DNAH8: variants seen among roughly 807,000 people sequenced by gnomAD.
The protein encoded by DNAH8 is dynein axonemal heavy chain 8.
Under a neutral mutation model 562.1 loss-of-function variants are expected in DNAH8, and 382 were observed. That is an observed-to-expected ratio of 0.68 (90% confidence interval 0.63 to 0.74). The LOEUF (loss-of-function observed/expected upper bound fraction) is 0.74, where lower values mean the gene tolerates loss of function less well. Ranked by LOEUF, DNAH8 falls within the 30% of genes least tolerant of loss-of-function variation. The pLI is 0.00. For missense variants in DNAH8, 5,203 were observed against 5,620.4 expected, an observed-to-expected ratio of 0.93 and a Z score of 2.37; for synonymous variants, 1,881 against 1,919.4, an observed-to-expected ratio of 0.98 and a Z score of 0.52.
At chr6:38,820,030 A>G (rs983323613) in intron 26 of DNAH8, among the ~76,000 whole-genome samples, 1 of 152,218 alleles carries the variant, frequency 6.6e-6, no homozygotes, top group African/African-American at 2.4e-5. Context: ...TACAATTCCA[A>G]AGAAATCATA....
At chr6:38,873,714 TAAC>T (rs1290306048) in intron 52 of DNAH8, among the ~76,000 whole-genome samples, 2 of 121,128 alleles carry the variant, frequency 1.7e-5, no homozygotes, top group African/African-American at 6.2e-5. Context: ...AAATAAAAAA[TAAC>T]ACATACACCT....
chr6:38,971,454 C>A, intron 82 of DNAH8, 138 bp from the exon 83 acceptor site: 1 of 502,812 alleles, frequency 2.0e-6, no homozygotes, highest in Non-Finnish European at 3.3e-6. Flanking sequence ...AAAGGCCAGG[C>A]CTGTTTGAAC....
chr6:38,814,219 C>T (rs1187852678), intron 25 of DNAH8, 90 bp downstream of exon 25: 2 of 764,134 alleles, frequency 2.6e-6, no homozygotes, highest in Non-Finnish European at 4.3e-6. Flanking sequence ...ACATTTTGGT[C>T]CTATGTCTTT....
In DNAH8 at chr6:38,883,274, A is replaced by C. The variant is rs756833830; in HGVS notation, c.8002-48A>C. 4 of 1,542,854 alleles carry C rather than the reference A, an allele frequency of 2.6e-6. No homozygotes were observed. The South Asian group carries it at 5.1e-5, about 20-fold the overall frequency. ...CCCATAGAATCATAAGATATTTGAAACTAAATAAGTTGTAACACATTTCAA... is the reference window on the plus strand; with the variant it reads ...CCCATAGAATCATAAGATATTTGAACCTAAATAAGTTGTAACACATTTCAA... On this transcript the variant is annotated intron_variant, in intron 54 of 92. Coordinates refer to ENST00000327475, the MANE Select transcript of DNAH8 (RefSeq NM_001206927.2).
intron 4 of DNAH8, among the ~76,000 whole-genome samples, chr6:38,732,059 T>C (rs1562577000): frequency 6.6e-6 from 1 of 152,226 alleles, no homozygotes; most frequent in Non-Finnish European, 1.5e-5. Context: ...TAAATGCTTA[T>C]TATCAGTTAA....
intron 1 of DNAH8, among the ~76,000 whole-genome samples, chr6:38,719,323 C>T (rs1338277475): frequency 6.6e-6 from 1 of 152,126 alleles, no homozygotes; most frequent in Non-Finnish European, 1.5e-5. Flanking sequence ...TATGATTAAA[C>T]CTGTCACCCA....
At chr6:39,006,613 C>A (rs1006757950) in intron 88 of DNAH8, among the ~76,000 whole-genome samples, 2 of 152,164 alleles carry the variant, frequency 1.3e-5, no homozygotes, top group African/African-American at 4.8e-5. Flanking sequence ...GTATATTGTT[C>A]CAGGAAAGAG....
chr6:38,951,960 CA>C lies in DNAH8; in HGVS notation c.12451+441del, dbSNP rs541971637. Among the ~76,000 whole-genome samples the C allele has an allele frequency of 3.3e-5, 5 of 152,188 alleles. No individual in the cohort carries two copies. In the East Asian group the frequency reaches 9.7e-4, roughly 29 times the overall value. On this transcript the variant is annotated intron_variant, in intron 82 of 92. Coordinates refer to ENST00000327475, the MANE Select transcript of DNAH8 (RefSeq NM_001206927.2). ...TATTTCATTGCTTTCACTTAATAACCATTCAGTACAGGCAGTGTGCTAGATC... is the reference window on the plus strand; with the variant it reads ...TATTTCATTGCTTTCACTTAATAACCTTCAGTACAGGCAGTGTGCTAGATC...
At chr6:38,758,122 A>G (rs1582922230) in intron 10 of DNAH8, among the ~76,000 whole-genome samples, 1 of 152,150 alleles carries the variant, frequency 6.6e-6, no homozygotes, top group Non-Finnish European at 1.5e-5. Context: ...CTTGGGCAGT[A>G]TGGCCATTTT....
At chr6:38,866,285 A>G (rs1161738826) in intron 45 of DNAH8, among the ~76,000 whole-genome samples, 1 of 152,026 alleles carries the variant, frequency 6.6e-6, no homozygotes, top group Non-Finnish European at 1.5e-5. Flanking sequence ...CTCTTGTATT[A>G]TTTCACGTTC....
chr6:38,804,806 C>T (rs866237303), intron 22 of DNAH8, among the ~76,000 whole-genome samples: 24 of 147,930 alleles, frequency 1.6e-4, no homozygotes, highest in African/African-American at 6.0e-4. Context: ...AAAACTGTGC[C>T]TGGAACAGTG....
intron 87 of DNAH8, among the ~76,000 whole-genome samples, chr6:38,985,995 T>C (rs72856042): frequency 1.2e-4 from 19 of 152,278 alleles, no homozygotes; most frequent in Admixed American, 3.9e-4. Context: ...CCTAAGAGAA[T>C]AGATAAGATG....
chr6:38,945,030 T>C (rs1485599471), intron 79 of DNAH8, among the ~76,000 whole-genome samples: 3 of 151,874 alleles, frequency 2.0e-5, no homozygotes, highest in Non-Finnish European at 4.4e-5. Context: ...CCCTAACCCA[T>C]CCATGTCTTT....
rs375507271 is a variant in DNAH8 at position 38,842,668 on chromosome 6, G to T, written c.4610G>T (p.Arg1537Leu). The T allele has an allele frequency of 1.2e-5, 20 of 1,609,354 alleles. No homozygotes were observed. Among genetic ancestry groups the T allele is most frequent in the Non-Finnish European group, 1.7e-5 (20 of 1,178,796 alleles). Residue 1537 changes from arginine to leucine, a missense_variant, in exon 35 of 93, where the codon CGT becomes CTT. Arg to Leu is a moderately radical substitution (Grantham distance 102, BLOSUM62 -2). Coordinates refer to ENST00000327475, the MANE Select transcript of DNAH8 (RefSeq NM_001206927.2). The part of the protein sequence containing the change: ...AELLEFQNRC[R>L]KLPKGLKDWQ... ...TTTCTCTTTCTTTCTGAAAGATGTCGTAAACTTCCAAAAGGACTTAAAGAT... is the reference window on the plus strand; with the variant it reads ...TTTCTCTTTCTTTCTGAAAGATGTCTTAAACTTCCAAAAGGACTTAAAGAT...
rs755422258 is a variant in DNAH8 at position 38,882,990 on chromosome 6, G to A, written c.7939G>A (p.Val2647Ile). 4 of 1,604,124 alleles carry A rather than the reference G, an allele frequency of 2.5e-6. No homozygotes were observed. The highest frequency in any genetic ancestry group is 2.3e-5 in the South Asian group (2 of 88,174). ...TATTCCGGAATATTCATCAATTTTG[G>A]TTCCAAATGTTGACAATATTAGAAC... is the stretch of plus-strand genomic sequence containing the variant. ...DSIPEYSSIL[V>I]PNVDNIRTNF... is the part of the protein sequence containing the mutation. Residue 2647 changes from valine to isoleucine, a missense_variant, in exon 54 of 93, where the codon GTT becomes ATT. Val to Ile is a conservative substitution (Grantham distance 29, BLOSUM62 3). Coordinates refer to ENST00000327475, the MANE Select transcript of DNAH8 (RefSeq NM_001206927.2).
intron 82 of DNAH8, among the ~76,000 whole-genome samples, chr6:38,965,732 A>T (rs1341315667): frequency 6.6e-6 from 1 of 152,072 alleles, no homozygotes; most frequent in Non-Finnish European, 1.5e-5. Flanking sequence ...CCCCCTTATG[A>T]TATCTTGGCA....
Position 39,008,868 on chromosome 6 carries a change from CAA to C in DNAH8, c.13271_13272del (p.Lys4424ArgfsTer16). Reference sequence around the variant, plus strand: ...TTGAAACAATTACCAACATTCAACCCAAAGAGAGTGGAGGTGGTGTGGGAGAG... The same window carrying C: ...TTGAAACAATTACCAACATTCAACCCAGAGAGTGGAGGTGGTGTGGGAGAG... ...VLETITNIQP[K>X]ESGGGVGETR... On this transcript the variant is annotated frameshift_variant, in exon 89 of 93. Coordinates refer to ENST00000327475, the MANE Select transcript of DNAH8 (RefSeq NM_001206927.2). LOFTEE classifies it high-confidence loss of function. The C allele has an allele frequency of 6.2e-7, 1 of 1,607,042 alleles. No homozygotes were observed. The highest frequency in any genetic ancestry group is 8.5e-7 in the Non-Finnish European group (1 of 1,173,788).
chr6:38,851,046 TCA>T (rs1465563821), intron 38 of DNAH8, among the ~76,000 whole-genome samples: 4 of 152,220 alleles, frequency 2.6e-5, no homozygotes, highest in Non-Finnish European at 5.9e-5. Context: ...AGAGAACAAC[TCA>T]CCAAACTCAA....
intron 76 of DNAH8, among the ~76,000 whole-genome samples, chr6:38,935,091 T>C (rs1282203305): frequency 6.6e-6 from 1 of 152,212 alleles, no homozygotes; most frequent in Non-Finnish European, 1.5e-5. Flanking sequence ...AATGGGTTTG[T>C]ATTGGCAATC....
Sources: allele counts gnomAD v4.1 joint callset (sites outside exome capture counted in the v4.1 genomes callset), GRCh38; gene constraint gnomAD v4.1.1; transcripts MANE v1.5; gene names NCBI Gene and HGNC (gene_info 2026-07-23, HGNC 2026-07-21).